Variants in MTSS1 observed in about 807,000 individuals in gnomAD.
The protein encoded by MTSS1 is MTSS I-BAR domain containing 1.
In MTSS1, 18 loss-of-function variants were observed where a neutral mutation model predicts 79.0. The observed-to-expected ratio is 0.23, with a 90% CI of 0.16 to 0.34. The LOEUF (loss-of-function observed/expected upper bound fraction) is 0.34, where lower values mean the gene tolerates loss of function less well. Ranked by LOEUF, MTSS1 falls within the 10% of genes least tolerant of loss-of-function variation. MTSS1 has a pLI of 1.00. For missense variants in MTSS1, 815 were observed against 986.2 expected (o/e 0.83, Z 2.33); for synonymous variants, 341 against 368.6 (o/e 0.93, Z 0.86).
intron 3 of MTSS1, among the ~76,000 whole-genome samples, chr8:124,637,373 C>T (rs1817205702): frequency 6.6e-6 from 1 of 152,184 alleles, no homozygotes. Flanking sequence ...GATGCACACT[C>T]ATGGCCAATC....
chr8:124,717,657 G>A (rs934015105), intron 1 of MTSS1, among the ~76,000 whole-genome samples: 5 of 152,196 alleles, frequency 3.3e-5, no homozygotes, highest in Non-Finnish European at 7.4e-5. Flanking sequence ...TCGCGCCACT[G>A]CATACTCCGG....
intron 3 of MTSS1, among the ~76,000 whole-genome samples, chr8:124,610,715 T>G (rs1835646083): frequency 6.6e-6 from 1 of 152,144 alleles, no homozygotes; most frequent in African/African-American, 2.4e-5. Context: ...GGAGCTTTCT[T>G]CAATCATCCC....
chr8:124,713,162 T>G (rs1279676831), intron 1 of MTSS1, among the ~76,000 whole-genome samples: 1 of 152,186 alleles, frequency 6.6e-6, no homozygotes, highest in Non-Finnish European at 1.5e-5. Flanking sequence ...TCAAGTGCTC[T>G]GCAGTGGCTA....
intron 9 of MTSS1, 57 bp downstream of exon 9, chr8:124,565,605 T>C: frequency 2.7e-6 from 4 of 1,472,934 alleles, no homozygotes; most frequent in Non-Finnish European, 3.8e-6. Flanking sequence ...TTGCTCACAT[T>C]AGCATAAAGA....
rs575411645 is a variant in MTSS1, at chr8:124,712,833, C to T, written c.73-8642G>A. On this transcript the variant is annotated intron_variant, in intron 1 of 13. Transcript: ENST00000518547. ...AAAGGTGCTCCCTCTGTCCATCCGTCCATCTCCCCTTACAAACTGCTCCAT... is the reference window on the plus strand; with the variant it reads ...AAAGGTGCTCCCTCTGTCCATCCGTTCATCTCCCCTTACAAACTGCTCCAT... 1.1e-4 allele frequency among the ~76,000 whole-genome samples: 17 copies of T among 152,148 alleles called. No homozygotes were observed. The South Asian group carries it at 3.5e-3, about 32-fold the overall frequency.
intron 3 of MTSS1, among the ~76,000 whole-genome samples, chr8:124,671,244 C>T: frequency 6.6e-6 from 1 of 152,058 alleles, no homozygotes; most frequent in East Asian, 1.9e-4. Context: ...AGAATCAAAT[C>T]CTCACCTGAC....
At chr8:124,583,658 A>C (rs2132499854) in intron 6 of MTSS1, among the ~76,000 whole-genome samples, 1 of 152,160 alleles carries the variant, frequency 6.6e-6, no homozygotes, top group East Asian at 1.9e-4. Flanking sequence ...CTTTTCACCA[A>C]ACTCCCAAAC....
chr8:124,587,976 T>C (rs1831168856), intron 5 of MTSS1, among the ~76,000 whole-genome samples: 2 of 152,210 alleles, frequency 1.3e-5, no homozygotes, highest in South Asian at 4.1e-4. Context: ...CAGGAGTCTG[T>C]TGTCTGTGAT....
intron 5 of MTSS1, among the ~76,000 whole-genome samples, chr8:124,586,517 C>T (rs1222245163): frequency 6.6e-6 from 1 of 152,198 alleles, no homozygotes; most frequent in Non-Finnish European, 1.5e-5. Context: ...CTCTGCCCTA[C>T]AGTCTCTCCT....
chr8:124,592,425 C>T (rs1832025704), intron 3 of MTSS1, among the ~76,000 whole-genome samples: 1 of 152,178 alleles, frequency 6.6e-6, no homozygotes, highest in African/African-American at 2.4e-5. Flanking sequence ...TTTTAACAGA[C>T]AAGACCTTCA....
intron 1 of MTSS1, among the ~76,000 whole-genome samples, chr8:124,723,985 C>T (rs576021646): frequency 1.6e-3 from 238 of 152,282 alleles, no homozygotes; most frequent in African/African-American, 5.6e-3. Context: ...CCTTCATGAC[C>T]ACCATATTGG....
chr8:124,630,119 T>C (rs113995346), intron 3 of MTSS1, among the ~76,000 whole-genome samples: 76 of 152,368 alleles, frequency 5.0e-4, no homozygotes, highest in African/African-American at 1.7e-3. Context: ...TTACATTTAA[T>C]TAAATGACCA....
chr8:124,686,593 A>G (rs1827024674), intron 3 of MTSS1, among the ~76,000 whole-genome samples: 1 of 152,222 alleles, frequency 6.6e-6, no homozygotes, highest in South Asian at 2.1e-4. Flanking sequence ...GTTCCGTTAA[A>G]TTGCCCAACA....
At chr8:124,637,592 C>T (rs1817251479) in intron 3 of MTSS1, among the ~76,000 whole-genome samples, 1 of 152,132 alleles carries the variant, frequency 6.6e-6, no homozygotes, top group African/African-American at 2.4e-5. Flanking sequence ...CTCGCAAAAC[C>T]TTGGCCTTGG....
chr8:124,583,273 T>C (rs1830348141), intron 6 of MTSS1, among the ~76,000 whole-genome samples: 1 of 152,114 alleles, frequency 6.6e-6, no homozygotes, highest in Non-Finnish European at 1.5e-5. Flanking sequence ...TGAATGCCAA[T>C]CATTCCCAAG....
intron 3 of MTSS1, among the ~76,000 whole-genome samples, chr8:124,632,460 G>T (rs1352292733): frequency 1.3e-5 from 2 of 151,730 alleles, no homozygotes; most frequent in Non-Finnish European, 2.9e-5. Flanking sequence ...ACAAGCCTGG[G>T]CAACATAGTA....
At chr8:124,706,393 AC>A (rs143266844) in intron 1 of MTSS1, among the ~76,000 whole-genome samples, 2,459 of 152,318 alleles carry the variant, frequency 0.016, 70 homozygotes, top group African/African-American at 0.057. Context: ...ATTTTTTAAA[AC>A]GTAAGATCAA....
chr8:124,613,096 C>T (rs1836185648), intron 3 of MTSS1, among the ~76,000 whole-genome samples: 1 of 152,190 alleles, frequency 6.6e-6, no homozygotes, highest in African/African-American at 2.4e-5. Context: ...CGAGGACCAT[C>T]TTACAGATGA....
intron 3 of MTSS1, among the ~76,000 whole-genome samples, chr8:124,602,188 C>CATATATATATATATATATATATATAT: frequency 2.8e-4 from 33 of 116,760 alleles, no homozygotes; most frequent in African/African-American, 1.3e-3. Context: ...CATATATATA[C>CATATATATATATATATATATATATAT]ATATATATAT....
Sources: gnomAD v4.1 joint callset for allele counts (sites outside exome capture counted in the v4.1 genomes callset) on GRCh38, gnomAD v4.1.1 for gene constraint, MANE v1.5 for transcripts, NCBI Gene and HGNC (gene_info 2026-07-23, HGNC 2026-07-21) for gene names.